Variants in SNTG2 observed in about 807,000 individuals in gnomAD.
The protein encoded by SNTG2 is syntrophin gamma 2, also known as gamma-2-syntrophin.
SNTG2 carries 74 observed loss-of-function variants against 70.9 expected under a neutral mutation model. The ratio of observed to expected loss-of-function variants is 1.04; its 90% CI spans 0.86 to 1.27. SNTG2 has a LOEUF of 1.27. SNTG2 is among the 50% of genes most tolerant of loss of function. The probability of loss-of-function intolerance (pLI) is 0.00; values close to 1 mark genes in which losing one functional copy is unlikely to be tolerated. For synonymous variants in SNTG2, 278 were observed against 273.8 expected (o/e 1.02, Z -0.15); for missense variants, 717 against 690.7 (o/e 1.04, Z -0.43).
chr2:1,285,787 GT>G (rs55678776), intron 14 of SNTG2, among the ~76,000 whole-genome samples: 61,839 of 151,444 alleles, frequency 0.41, 12,727 homozygotes, highest in Middle Eastern at 0.52. Flanking sequence ...AGCAGGTCGT[GT>G]TTTTTTTTCC....
At chr2:1,245,270 T>TA (rs888127862) in intron 11 of SNTG2, among the ~76,000 whole-genome samples, 8 of 143,434 alleles carry the variant, frequency 5.6e-5, no homozygotes, top group South Asian at 2.2e-4. Flanking sequence ...AGTATAATAA[T>TA]AAAAAAAAAG....
In SNTG2 at chr2:1,230,846, C is replaced by T. The variant is rs115523720; in HGVS notation, c.720-7042C>T. ...CAGTGCCTCTTCCATAGGGTCACTG[C>T]AGGGGTGAAATAGATCTGAAACATA... On this transcript the variant is annotated intron_variant, in intron 9 of 16. Coordinates refer to ENST00000308624, the MANE Select transcript of SNTG2 (RefSeq NM_018968.4). Among the ~76,000 whole-genome samples the T allele has an allele frequency of 9.1e-3, 1,393 of 152,278 alleles. 22 individuals are homozygous for T. The highest frequency in any genetic ancestry group is 0.031 in the African/African-American group (1,271 of 41,536).
At chr2:1,153,785 C>T (rs80303272) in intron 6 of SNTG2, among the ~76,000 whole-genome samples, 4 of 152,238 alleles carry the variant, frequency 2.6e-5, no homozygotes, top group East Asian at 3.9e-4. Context: ...TTTCTCAATG[C>T]GGGTGATGGA....
At chr2:1,351,146 G>C (rs911253766) in intron 16 of SNTG2, among the ~76,000 whole-genome samples, 9 of 151,620 alleles carry the variant, frequency 5.9e-5, no homozygotes, top group Admixed American at 2.0e-4. Context: ...TAATTTCCTT[G>C]TTTTCCCTCT....
intron 8 of SNTG2, among the ~76,000 whole-genome samples, chr2:1,200,032 GA>G (rs1482184959): frequency 1.3e-5 from 2 of 151,766 alleles, no homozygotes; most frequent in African/African-American, 4.8e-5. Context: ...AATTTGTATG[GA>G]ACCACAAGAG....
intron 1 of SNTG2, among the ~76,000 whole-genome samples, chr2:1,069,701 G>T (rs13399285): frequency 6.6e-6 from 1 of 152,112 alleles, no homozygotes; most frequent in Non-Finnish European, 1.5e-5. Flanking sequence ...TGAGGCAAGA[G>T]AATCGCTTGA....
At chr2:1,003,860 A>G (rs1365235797) in intron 1 of SNTG2, among the ~76,000 whole-genome samples, 1 of 152,210 alleles carries the variant, frequency 6.6e-6, no homozygotes, top group Non-Finnish European at 1.5e-5. Flanking sequence ...TTTTCTTTGT[A>G]CATAAACTTT....
At chr2:1,162,522 GT>G (rs1670387949) in intron 6 of SNTG2, among the ~76,000 whole-genome samples, 1 of 152,122 alleles carries the variant, frequency 6.6e-6, no homozygotes, top group Non-Finnish European at 1.5e-5. Flanking sequence ...GGGTATTACA[GT>G]GGCTGTCACT....
chr2:1,309,764 A>G (rs1488728829), intron 15 of SNTG2, among the ~76,000 whole-genome samples: 2 of 152,256 alleles, frequency 1.3e-5, no homozygotes, highest in African/African-American at 2.4e-5. Context: ...ACATATTTGC[A>G]TAAGCATTGA....
At chr2:1,271,487 A>G (rs1411719174) in intron 14 of SNTG2, among the ~76,000 whole-genome samples, 3 of 152,152 alleles carry the variant, frequency 2.0e-5, no homozygotes, top group African/African-American at 7.2e-5. Flanking sequence ...CAACACAAAA[A>G]CACAAAGTAT....
chr2:1,022,882 A>G, intron 1 of SNTG2, among the ~76,000 whole-genome samples: 1 of 152,204 alleles, frequency 6.6e-6, no homozygotes, highest in Non-Finnish European at 1.5e-5. Context: ...GACCTTGAGA[A>G]ACAAGGCCTA....
intron 1 of SNTG2, among the ~76,000 whole-genome samples, chr2:978,436 ATTATCCAACAAGGAACAT>A (rs1279495429): frequency 6.6e-6 from 1 of 152,236 alleles, no homozygotes; most frequent in Non-Finnish European, 1.5e-5. Flanking sequence ...AACTTTAATT[ATTATCCAACAAGGAACAT>A]ATCTCAAAAA....
At chr2:961,298 T>G (rs1660341677) in intron 1 of SNTG2, among the ~76,000 whole-genome samples, 1 of 152,174 alleles carries the variant, frequency 6.6e-6, no homozygotes, top group African/African-American at 2.4e-5. Context: ...CCTCTGCCTC[T>G]GGGATTCAAG....
At chr2:1,338,197 A>G (rs1659913998) in intron 16 of SNTG2, among the ~76,000 whole-genome samples, 1 of 152,190 alleles carries the variant, frequency 6.6e-6, no homozygotes, top group South Asian at 2.1e-4. Flanking sequence ...GGATCCTTTA[A>G]GATTACAGAG....
chr2:1,339,548 T>C (rs1659981344), intron 16 of SNTG2, among the ~76,000 whole-genome samples: 1 of 152,230 alleles, frequency 6.6e-6, no homozygotes, highest in African/African-American at 2.4e-5. Flanking sequence ...TAGCTGTTTT[T>C]ATATTTTTCC....
rs543464709 is a variant in SNTG2 at position 1,097,174 on chromosome 2, C to T, written c.211-1022C>T. Among the ~76,000 whole-genome samples, 5 of 152,280 alleles carry T rather than the reference C, an allele frequency of 3.3e-5. No individual in the cohort carries two copies. The highest frequency in any genetic ancestry group is 1.2e-4 in the African/African-American group (5 of 41,558). On this transcript the variant is annotated intron_variant, in intron 2 of 16. Transcript: ENST00000308624. This position sits in a 1 kb window ranked among gnomAD's most constrained non-coding sequence, Gnocchi z 4.1. ...TTTCCTTTGAGTTTATGAAGTATTT[C>T]CCCCTAAGAAGGACATTCCTGGGGT...
intron 1 of SNTG2, among the ~76,000 whole-genome samples, chr2:975,215 C>T (rs112289292): frequency 0.058 from 8,787 of 151,888 alleles, 882 homozygotes; most frequent in African/African-American, 0.2. Context: ...AAACACCACA[C>T]GCTTGGACTC....
intron 9 of SNTG2, 91 bp from the exon 10 acceptor site, chr2:1,237,797 A>G: frequency 2.0e-6 from 3 of 1,486,440 alleles, no homozygotes; most frequent in Non-Finnish European, 1.8e-6. Flanking sequence ...GGTCCAGGGT[A>G]GAGCCCTGCT....
intron 4 of SNTG2, among the ~76,000 whole-genome samples, chr2:1,111,246 C>T (rs568545187): frequency 5.3e-5 from 8 of 152,252 alleles, no homozygotes; most frequent in East Asian, 1.9e-4. Flanking sequence ...TGAGAAATGC[C>T]GAAACCTCAA....
Sources: gnomAD v4.1 joint callset for allele counts (sites outside exome capture counted in the v4.1 genomes callset) on GRCh38, gnomAD v4.1.1 for gene constraint, Gnocchi (gnomAD v3.1) non-coding constraint, MANE v1.5 for transcripts, NCBI Gene and HGNC (gene_info 2026-07-23, HGNC 2026-07-21) for gene names.